The following NAALADL2 variants were observed in gnomAD, a reference collection of about 807,000 sequenced individuals.
NAALADL2 encodes the protein inactive N-acetylated-alpha-linked acidic dipeptidase-like protein 2.
Under a neutral mutation model 87.2 loss-of-function variants are expected in NAALADL2, and 76 were observed. The observed-to-expected ratio is 0.87, with a 90% CI of 0.72 to 1.05. The LOEUF (loss-of-function observed/expected upper bound fraction) is 1.05. Ranked by LOEUF, NAALADL2 falls within the 50% of genes least tolerant of loss-of-function variation. The pLI, the probability that NAALADL2 is intolerant of heterozygous loss-of-function variation, is 0.00. For missense variants in NAALADL2, 1,089 were observed against 945.8 expected, an observed-to-expected ratio of 1.15 and a Z score of -1.99; for synonymous variants, 354 against 331.0, an observed-to-expected ratio of 1.07 and a Z score of -0.75.
chr3:174,743,460 A>G (rs142840995), intron 3 of NAALADL2, among the ~76,000 whole-genome samples: 58 of 151,956 alleles, frequency 3.8e-4, no homozygotes, highest in Admixed American at 7.9e-4. Context: ...ATAATGAAAA[A>G]GTCTTCTAAC....
chr3:175,259,043 A>G (rs1750567953), intron 4 of NAALADL2, among the ~76,000 whole-genome samples: 1 of 152,164 alleles, frequency 6.6e-6, no homozygotes, highest in African/African-American at 2.4e-5. Flanking sequence ...GCATTTGTCT[A>G]CATCAAGTAA....
Position 175,469,601 on chromosome 3 carries a change from T to C in NAALADL2, c.1534-2038T>C, listed in dbSNP as rs563645460. 2.3e-3 allele frequency among the ~76,000 whole-genome samples: 355 copies of C among 152,190 alleles called. 1 individual carries two copies. Among genetic ancestry groups the C allele is most frequent in the African/African-American group, 8.2e-3 (342 of 41,578 alleles). On this transcript the variant is annotated intron_variant, in intron 8 of 13. Coordinates refer to ENST00000454872, the MANE Select transcript of NAALADL2 (RefSeq NM_207015.3). ...AGAAAAATTATAACATTTTGCTAAATAGGTTCTATACTTTAAAAAGTACCA... is the reference window on the plus strand; with the variant it reads ...AGAAAAATTATAACATTTTGCTAAACAGGTTCTATACTTTAAAAAGTACCA...
chr3:175,231,902 C>A (rs554798422), intron 2 of NAALADL2, among the ~76,000 whole-genome samples: 31 of 151,934 alleles, frequency 2.0e-4, no homozygotes, highest in African/African-American at 6.3e-4. Flanking sequence ...TGCTCTATCC[C>A]AAAAATACAG....
At chr3:174,802,328 T>C (rs1352894458) in intron 3 of NAALADL2, among the ~76,000 whole-genome samples, 1 of 151,950 alleles carries the variant, frequency 6.6e-6, no homozygotes, top group East Asian at 1.9e-4. Flanking sequence ...TTGTGATAAA[T>C]GCTATAAATA....
At chr3:175,549,689 A>T (rs995126476) in intron 9 of NAALADL2, among the ~76,000 whole-genome samples, 2 of 151,970 alleles carry the variant, frequency 1.3e-5, no homozygotes, top group African/African-American at 4.8e-5. Flanking sequence ...GTTTGTTCAC[A>T]CATTTACTGA....
intron 11 of NAALADL2, among the ~76,000 whole-genome samples, chr3:175,691,972 T>C (rs1490927628): frequency 6.6e-6 from 1 of 152,178 alleles, no homozygotes; most frequent in African/African-American, 2.4e-5. Context: ...TGCTCCTTTC[T>C]CGAATATGAT....
intron 9 of NAALADL2, among the ~76,000 whole-genome samples, chr3:175,515,760 C>T (rs984580824): frequency 1.1e-4 from 17 of 152,162 alleles, no homozygotes; most frequent in African/African-American, 4.1e-4. Context: ...AACAGCTTCT[C>T]ATTGCTGCTG....
intron 1 of NAALADL2, among the ~76,000 whole-genome samples, chr3:175,062,430 T>C (rs1468961260): frequency 2.0e-5 from 3 of 151,588 alleles, no homozygotes; most frequent in Non-Finnish European, 4.4e-5. Flanking sequence ...GTAATAATGA[T>C]TGTTATCAGT....
intron 1 of NAALADL2, 77 bp from the exon 2 acceptor site, chr3:175,096,713 A>T: frequency 2.2e-6 from 2 of 899,246 alleles, no homozygotes; most frequent in Non-Finnish European, 3.2e-6. Context: ...AATATGGCTT[A>T]CTGTTTTGTT....
chr3:175,020,861 C>T (rs1027494532), intron 1 of NAALADL2, among the ~76,000 whole-genome samples: 1 of 152,112 alleles, frequency 6.6e-6, no homozygotes, highest in Non-Finnish European at 1.5e-5. Context: ...ATTCCTCTGC[C>T]GCTGGACTTC....
At chr3:175,019,124 T>C (rs1325459583) in intron 1 of NAALADL2, among the ~76,000 whole-genome samples, 1 of 152,040 alleles carries the variant, frequency 6.6e-6, no homozygotes, top group Non-Finnish European at 1.5e-5. Flanking sequence ...TATTTTGTGA[T>C]TCATACTTTC....
chr3:174,801,339 G>T (rs2109251246), intron 3 of NAALADL2, among the ~76,000 whole-genome samples: 1 of 152,268 alleles, frequency 6.6e-6, no homozygotes, highest in African/African-American at 2.4e-5. Context: ...TGATAAAGAG[G>T]AGTTCCCCTG....
In NAALADL2 at chr3:174,761,654, T is replaced by G. The variant is rs145933480; in HGVS notation, c.-9+23908T>G. ...ATTATACTTTAAGTTTTAGGGTACATGTACACAATGTGCAGGTTTGTTACA... is the reference window on the plus strand; with the variant it reads ...ATTATACTTTAAGTTTTAGGGTACAGGTACACAATGTGCAGGTTTGTTACA... On this transcript the variant is annotated intron_variant, in intron 3 of 3. Transcript: ENST00000434257. Among the ~76,000 whole-genome samples the G allele has an allele frequency of 3.9e-3, 587 of 152,262 alleles. 1 individual carries two copies. The highest frequency in any genetic ancestry group is 0.014 in the African/African-American group (564 of 41,528).
At chr3:174,471,571 A>AT (rs11425421) in intron 1 of NAALADL2, among the ~76,000 whole-genome samples, 62,940 of 151,490 alleles carry the variant, frequency 0.42, 14,105 homozygotes, top group East Asian at 0.87. Flanking sequence ...GAGACTATCA[A>AT]TTTTTTTTAA....
chr3:174,734,419 C>T (rs1245247345), intron 2 of NAALADL2, among the ~76,000 whole-genome samples: 1 of 152,140 alleles, frequency 6.6e-6, no homozygotes, highest in Admixed American at 6.5e-5. Context: ...AATTTATTTT[C>T]ACCAGTTCTG....
At chr3:175,566,069 A>G (rs1262401314) in intron 9 of NAALADL2, among the ~76,000 whole-genome samples, 2 of 152,058 alleles carry the variant, frequency 1.3e-5, no homozygotes, top group African/African-American at 4.8e-5. Context: ...ACCTCAGGTG[A>G]TCCACCCACG....
chr3:175,352,431 C>A (rs1286345782), intron 5 of NAALADL2, among the ~76,000 whole-genome samples: 1 of 151,986 alleles, frequency 6.6e-6, no homozygotes. Flanking sequence ...ATTCACTATC[C>A]CAAAATTACA....
chr3:175,398,488 G>A (rs142587620), intron 5 of NAALADL2, among the ~76,000 whole-genome samples: 2 of 151,232 alleles, frequency 1.3e-5, no homozygotes, highest in East Asian at 3.9e-4. Context: ...TTCAAACTCT[G>A]TTATGTGCTT....
chr3:174,548,195 G>A (rs1388526889), intron 1 of NAALADL2, among the ~76,000 whole-genome samples: 2 of 152,008 alleles, frequency 1.3e-5, no homozygotes, highest in Non-Finnish European at 2.9e-5. Context: ...TCATACAGTC[G>A]GAGAACTTTA....
Sources: allele counts gnomAD v4.1 joint callset (sites outside exome capture counted in the v4.1 genomes callset), GRCh38; gene constraint gnomAD v4.1.1; transcripts MANE v1.5; gene names NCBI Gene and HGNC (gene_info 2026-07-23, HGNC 2026-07-21).